PLA2G4A: variants seen among roughly 807,000 people sequenced by gnomAD.
PLA2G4A encodes cytosolic phospholipase A2.
PLA2G4A carries 40 observed loss-of-function variants against 81.9 expected under a neutral mutation model. The ratio of observed to expected loss-of-function variants is 0.49; its 90% CI spans 0.38 to 0.64. The LOEUF (loss-of-function observed/expected upper bound fraction) is 0.64, where lower values mean the gene tolerates loss of function less well. Ranked by LOEUF, PLA2G4A falls within the 30% of genes least tolerant of loss-of-function variation. The probability of loss-of-function intolerance (pLI) is 0.00; values close to 1 mark genes in which losing one functional copy is unlikely to be tolerated. For missense variants in PLA2G4A, 715 were observed against 905.1 expected (o/e 0.79, Z 2.69); for synonymous variants, 302 against 296.9 (o/e 1.02, Z -0.18).
intron 8 of PLA2G4A, among the ~76,000 whole-genome samples, chr1:186,938,531 G>A (rs530103179): frequency 6.6e-6 from 1 of 152,236 alleles, no homozygotes; most frequent in South Asian, 2.1e-4. Context: ...GAGAAAAAAG[G>A]ATTTTTCAAG....
chr1:186,868,472 A>T (rs930761385), intron 2 of PLA2G4A, among the ~76,000 whole-genome samples: 1 of 152,106 alleles, frequency 6.6e-6, no homozygotes, highest in Admixed American at 6.6e-5. Context: ...ATTGGCTTGT[A>T]GTTTTCTTTT....
chr1:186,969,405 T>C (rs979773624), intron 15 of PLA2G4A, among the ~76,000 whole-genome samples: 2 of 151,924 alleles, frequency 1.3e-5, no homozygotes, highest in African/African-American at 2.4e-5. Context: ...TTTGTGTTAG[T>C]AACATTCCAA....
intron 1 of PLA2G4A, among the ~76,000 whole-genome samples, chr1:186,851,571 T>G (rs960991942): frequency 1.3e-5 from 2 of 152,044 alleles, no homozygotes; most frequent in African/African-American, 4.8e-5. Context: ...GCCATACTAG[T>G]AGAAAGTCAT....
intron 17 of PLA2G4A, among the ~76,000 whole-genome samples, chr1:186,986,928 A>G (rs1315139981): frequency 1.3e-5 from 2 of 152,240 alleles, no homozygotes; most frequent in Non-Finnish European, 2.9e-5. Context: ...AAGTGGGATC[A>G]GCAAATATCA....
At chr1:186,861,497 A>T (rs1442303311) in intron 2 of PLA2G4A, among the ~76,000 whole-genome samples, 2 of 150,914 alleles carry the variant, frequency 1.3e-5, no homozygotes, top group East Asian at 1.9e-4. Flanking sequence ...GTTTATTTTT[A>T]AAAAACATTG....
In PLA2G4A at chr1:186,857,753, C is replaced by T. The variant is rs1159743669; in HGVS notation, c.33+3366C>T. Among the ~76,000 whole-genome samples the T allele has an allele frequency of 4.0e-5, 6 of 151,840 alleles. No homozygotes were observed. The Admixed American group carries it at 4.0e-4, about 10-fold the overall frequency. ...TCTGCTAATGCTATCCCTTCCCCAG[C>T]CCCCCACACCCCTGACAGGCGTTGG... On this transcript the variant is annotated intron_variant, in intron 2 of 17. Coordinates refer to ENST00000367466, the MANE Select transcript of PLA2G4A (RefSeq NM_024420.3).
At chr1:186,979,288 A>T (rs764929267) in intron 16 of PLA2G4A, 27 bp from the exon 17 acceptor site, 2 of 1,574,904 alleles carry the variant, frequency 1.3e-6, no homozygotes, top group South Asian at 2.2e-5. Context: ...TCAAAATAAC[A>T]CCCTTTGTGA....
chr1:186,958,870 C>G (rs527532590), intron 14 of PLA2G4A, among the ~76,000 whole-genome samples: 3 of 152,100 alleles, frequency 2.0e-5, no homozygotes, highest in Non-Finnish European at 4.4e-5. Flanking sequence ...AGATAAAATA[C>G]AGAATACCCA....
At chr1:186,837,736 C>CAAA (rs750655561) in intron 1 of PLA2G4A, among the ~76,000 whole-genome samples, 2,216 of 54,986 alleles carry the variant, frequency 0.04, 214 homozygotes, top group African/African-American at 0.055. Flanking sequence ...GACTCCGTCT[C>CAAA]AAAAAAAAAA....
chr1:186,965,562 C>G lies in PLA2G4A; in HGVS notation c.1733C>G (p.Ala578Gly). 6.2e-7 allele frequency: 1 copy of G among 1,612,900 alleles called. No homozygotes were observed. The highest frequency in any genetic ancestry group is 8.5e-7 in the Non-Finnish European group (1 of 1,178,932). ...VDLIISFDFS[A>G]RPSDSSPPFK... Reference sequence around the variant, plus strand: ...CTCATAATCTCCTTTGACTTTTCTGCAAGGCCAAGTGACTCTAGTCCTCCG... The same window carrying G: ...CTCATAATCTCCTTTGACTTTTCTGGAAGGCCAAGTGACTCTAGTCCTCCG... Residue 578 changes from alanine to glycine, a missense_variant, in exon 15 of 18, where the codon GCA (alanine) becomes GGA (glycine). Physicochemically the swap from Ala to Gly is moderately conservative, Grantham distance 60. Transcript: ENST00000367466.
chr1:186,985,155 T>C (rs1217981202), intron 17 of PLA2G4A, among the ~76,000 whole-genome samples: 2 of 152,144 alleles, frequency 1.3e-5, no homozygotes, highest in Non-Finnish European at 2.9e-5. Context: ...ATCCTCAGTC[T>C]TTTCATATGG....
intron 12 of PLA2G4A, among the ~76,000 whole-genome samples, chr1:186,949,146 T>C (rs1656443319): frequency 6.6e-6 from 1 of 151,916 alleles, no homozygotes; most frequent in South Asian, 2.1e-4. Context: ...GGATGGAAAA[T>C]ATGTAAATTC....
chr1:186,863,856 G>T (rs1571344812), intron 2 of PLA2G4A, among the ~76,000 whole-genome samples: 3 of 151,860 alleles, frequency 2.0e-5, no homozygotes, highest in Admixed American at 2.0e-4. Flanking sequence ...CGCCTCCCGG[G>T]TTCAAGCCAT....
intron 7 of PLA2G4A, among the ~76,000 whole-genome samples, chr1:186,924,447 A>C (rs563162365): frequency 5.9e-5 from 9 of 151,676 alleles, no homozygotes; most frequent in African/African-American, 2.2e-4. Context: ...CTCTTCACTT[A>C]CTCCCTTTTC....
At chr1:186,850,830 C>G (rs1298805021) in intron 1 of PLA2G4A, among the ~76,000 whole-genome samples, 1 of 151,866 alleles carries the variant, frequency 6.6e-6, no homozygotes, top group Non-Finnish European at 1.5e-5. Flanking sequence ...TTTTTTTGCT[C>G]CCAAGCACCT....
At chr1:186,965,150 C>A (rs1378924276) in intron 14 of PLA2G4A, among the ~76,000 whole-genome samples, 2 of 152,200 alleles carry the variant, frequency 1.3e-5, no homozygotes, top group African/African-American at 4.8e-5. Context: ...TAAGTGCTTT[C>A]CATGCGTTGT....
chr1:186,859,169 T>C lies in PLA2G4A; in HGVS notation c.33+4782T>C, dbSNP rs574846075. ...GGGCTCATTTTCACCATTCCTGTGA[T>C]GCAGGGACATGTTGGAGAATCCTGT... is the stretch of plus-strand genomic sequence containing the variant. On this transcript the variant is annotated intron_variant, in intron 2 of 17. Coordinates refer to ENST00000367466, the MANE Select transcript of PLA2G4A (RefSeq NM_024420.3). Among the ~76,000 whole-genome samples, 4 of 152,262 alleles carry C rather than the reference T, an allele frequency of 2.6e-5. No individual in the cohort carries two copies. In the East Asian group the frequency reaches 7.7e-4, roughly 29 times the overall value.
intron 14 of PLA2G4A, among the ~76,000 whole-genome samples, chr1:186,959,407 T>C (rs542096978): frequency 3.9e-5 from 6 of 152,338 alleles, no homozygotes; most frequent in Admixed American, 3.9e-4. Flanking sequence ...CTGAAAATGT[T>C]CTAAGCTAAA....
intron 15 of PLA2G4A, among the ~76,000 whole-genome samples, chr1:186,968,976 G>C (rs866657072): frequency 6.6e-6 from 1 of 151,828 alleles, no homozygotes; most frequent in East Asian, 1.9e-4. Flanking sequence ...TTGTGAGACT[G>C]AATGGTTTGT....
Sources: allele counts gnomAD v4.1 joint callset (sites outside exome capture counted in the v4.1 genomes callset), GRCh38; gene constraint gnomAD v4.1.1; transcripts MANE v1.5; gene names NCBI Gene and HGNC (gene_info 2026-07-23, HGNC 2026-07-21).